CD36: variants seen among roughly 807,000 people sequenced by gnomAD.
CD36 encodes the protein platelet glycoprotein 4.
A neutral mutation model predicts 55.2 loss-of-function variants in CD36; 119 were observed. The ratio of observed to expected loss-of-function variants is 2.15; its 90% CI spans 1.86 to 2.51. The LOEUF is 2.51. Among genes scored for constraint, CD36 ranks in the 30% most tolerant of loss-of-function variants. The pLI is 0.00. For missense variants in CD36, 819 were observed against 555.5 expected, an observed-to-expected ratio of 1.47 and a Z score of -4.77; for synonymous variants, 186 against 193.6, an observed-to-expected ratio of 0.96 and a Z score of 0.33.
At chr7:80,647,479 A>G (rs778260963) in intron 3 of CD36, among the ~76,000 whole-genome samples, 7 of 152,202 alleles carry the variant, frequency 4.6e-5, no homozygotes, top group Non-Finnish European at 4.4e-5. Context: ...AGTATAAAAC[A>G]AATTGACTGT....
At chr7:80,675,625 G>A (rs1014830494) in intron 14 of CD36, among the ~76,000 whole-genome samples, 10 of 151,982 alleles carry the variant, frequency 6.6e-5, no homozygotes, top group Middle Eastern at 6.8e-3. Context: ...AGAATAAACT[G>A]TTGATTACTT....
In CD36 at chr7:80,646,776, G is replaced by GGCTGTCATTGGT. The variant is rs1795200134; in HGVS notation, c.43_54dup (p.Ile15_Val18dup). 4 of 1,613,964 alleles carry GGCTGTCATTGGT rather than the reference G, an allele frequency of 2.5e-6. No homozygotes were observed. The highest frequency in any genetic ancestry group is 3.4e-6 in the Non-Finnish European group (4 of 1,179,944). On this transcript the variant is annotated inframe_insertion, in exon 3 of 15. Transcript: ENST00000447544. ...ACCGGAACTGTGGGCTCATCGCTGG[G>GGCTGTCATTGGT]GCTGTCATTGGTGCTGTCCTGGCTG...
Position 80,647,364 on chromosome 7 carries a change from A to G in CD36, c.120+504A>G, listed in dbSNP as rs192703422. 451 of 160,354 alleles carry G rather than the reference A, an allele frequency of 2.8e-3. 10 individuals are homozygous for G. Among genetic ancestry groups the G allele is most frequent in the Non-Finnish European group, 1.1e-3 (76 of 72,192 alleles). The allele number at this position is 160,354 out of a possible 1,614,324, so 9.9% of individuals were successfully genotyped here. ...GTAATACACTGTTTAGTAATCCACT[A>G]TTTTTATATATGTGTAATAATCTCA... On this transcript the variant is annotated intron_variant, in intron 3 of 14. Transcript: ENST00000447544.
intron 11 of CD36, 125 bp downstream of exon 11, chr7:80,672,165 A>C: frequency 4.9e-6 from 4 of 823,378 alleles, no homozygotes; most frequent in Non-Finnish European, 5.7e-6. Context: ...CATTCTTGAA[A>C]GTTACTGAAA....
At chr7:80,608,592 A>G (rs1792695822) in intron 1 of CD36, among the ~76,000 whole-genome samples, 1 of 152,222 alleles carries the variant, frequency 6.6e-6, no homozygotes, top group Non-Finnish European at 1.5e-5. Flanking sequence ...TTTAAAGTAG[A>G]TAGTGTTATC....
At chr7:80,611,277 G>A (rs1792864075) in intron 1 of CD36, among the ~76,000 whole-genome samples, 1 of 152,120 alleles carries the variant, frequency 6.6e-6, no homozygotes, top group South Asian at 2.1e-4. Flanking sequence ...TCTTGTCTCA[G>A]CCTGCTTTTT....
upstream of CD36, among the ~76,000 whole-genome samples, chr7:80,633,955 C>A (rs1005222926): frequency 3.3e-5 from 5 of 151,510 alleles, no homozygotes; most frequent in Non-Finnish European, 1.5e-5. Context: ...TGTGTCTAGA[C>A]ATTATTTTGC....
At chr7:80,634,942 C>A (rs1172545795), upstream of CD36, among the ~76,000 whole-genome samples, 1 of 150,542 alleles carries the variant, frequency 6.6e-6, no homozygotes, top group Admixed American at 6.6e-5. Context: ...TAAAAATTGT[C>A]AAATTAAAAA....
chr7:80,602,347 T>G (rs1218153297), exon 1 of CD36: 2 of 152,296 alleles, frequency 1.3e-5, no homozygotes, highest in East Asian at 1.9e-4. Context: ...CTTGAGGTCC[T>G]ACATCTCCGA....
At chr7:80,664,277 A>T (rs1291367181) in intron 6 of CD36, 129 bp from the exon 7 acceptor site, 4 of 646,676 alleles carry the variant, frequency 6.2e-6, no homozygotes, top group Non-Finnish European at 1.1e-5. Context: ...AATTTAAAAA[A>T]ATGTATTGCA....
At position 80,666,513 on chromosome 7, in the gene CD36, A is replaced by G. The variant is rs41281225; in HGVS notation, c.748+24A>G. On this transcript the variant is annotated intron_variant, in intron 8 of 14. Transcript: ENST00000447544. ...AGGTAAGAATATTTGTTTTGTGGTC[A>G]TCACAGTTAATCCACCTCCCTTTCC... 4,667 of 1,562,556 alleles carry G rather than the reference A, an allele frequency of 3.0e-3. 8 individuals are homozygous for G. The highest frequency in any genetic ancestry group is 3.9e-3 in the Non-Finnish European group (4,404 of 1,133,646).
chr7:80,630,867 C>G (rs930581299), intron 1 of CD36, among the ~76,000 whole-genome samples: 1 of 151,938 alleles, frequency 6.6e-6, no homozygotes, highest in Non-Finnish European at 1.5e-5. Flanking sequence ...ACTCTGAACA[C>G]GAAAGCACAG....
chr7:80,675,886 G>A lies in CD36; in HGVS notation c.*1-498G>A, dbSNP rs539773677. Among the ~76,000 whole-genome samples, 380 of 152,190 alleles carry A rather than the reference G, an allele frequency of 2.5e-3. 3 individuals are homozygous for A. Among genetic ancestry groups the A allele is most frequent in the African/African-American group, 8.6e-3 (356 of 41,526 alleles). ...TACATACACCTTTAAATGGAACTTG[G>A]TCTGAAGGGTGTGGAAATGCTGGTC... On this transcript the variant is annotated intron_variant, in intron 14 of 14. Coordinates refer to ENST00000447544, the MANE Select transcript of CD36 (RefSeq NM_001001548.3).
rs879762969 is a variant in CD36, at chr7:80,670,742, G to T, written c.819-235G>T. ...ATTTACTCTATTGGATAAATTGCCT[G>T]TGAGAAGTAACTTGAGTATAAATAA... is the stretch of plus-strand genomic sequence containing the variant. On this transcript the variant is annotated intron_variant, in intron 9 of 14. Coordinates refer to ENST00000447544, the MANE Select transcript of CD36 (RefSeq NM_001001548.3). 1.5e-5 allele frequency: 8 copies of T among 520,244 alleles called. No homozygotes were observed. The Admixed American group carries it at 2.4e-4, about 16-fold the overall frequency. 32.2% of individuals were successfully genotyped at this position (520,244 alleles called of 1,614,324 possible). A position where few individuals can be genotyped will look rare whatever the true frequency, so the allele number is the denominator to read the frequency against.
chr7:80,656,692 T>C lies in CD36; in HGVS notation c.273T>C (p.Tyr91=), dbSNP rs767787154. The change falls in exon 4 of 15, where the codon TAT becomes TAC. Residue 91 remains tyrosine, a synonymous_variant. Coordinates refer to ENST00000447544, the MANE Select transcript of CD36 (RefSeq NM_001001548.3). ...TTCAAGTTAAGCAAAGAGGTCCTTA[T>C]ACGTACAGGTGAGTGAGTCCCCACA... ...SNIQVKQRGP[Y]TYRVRFLAKE... The C allele has an allele frequency of 1.9e-6, 3 of 1,613,454 alleles. No individual in the cohort carries two copies. The South Asian group carries it at 3.3e-5, about 18-fold the overall frequency.
rs1165767460 is a variant in CD36, at chr7:80,667,747, GT to G, written c.748+1279del. Among the ~76,000 whole-genome samples the G allele has an allele frequency of 4.2e-3, 350 of 82,634 alleles. 1 individual carries two copies. The highest frequency in any genetic ancestry group is 0.011 in the African/African-American group (255 of 24,108). The allele number at this position is 82,634 out of a possible 152,430, so 54.2% of individuals were successfully genotyped here. ...GTTGGATTTGCAGGGGTTTTCTTTT[GT>G]TTTTTTTTTTTTTTTTTTTTGAGAC... On this transcript the variant is annotated intron_variant, in intron 8 of 14. Transcript: ENST00000447544.
intron 1 of CD36, among the ~76,000 whole-genome samples, chr7:80,625,864 A>G (rs1480419125): frequency 1.3e-5 from 2 of 152,148 alleles, no homozygotes; most frequent in Non-Finnish European, 2.9e-5. Flanking sequence ...TGTCTGCCCA[A>G]TACATACCAG....
intron 7 of CD36, among the ~76,000 whole-genome samples, chr7:80,665,198 CCTT>C (rs1253680107): frequency 6.8e-6 from 1 of 147,790 alleles, no homozygotes; most frequent in African/African-American, 2.6e-5. Context: ...GCCATTATTT[CCTT>C]TTTTTTTTTC....
At chr7:80,648,769 AG>A (rs1435251302) in intron 3 of CD36, among the ~76,000 whole-genome samples, 5 of 152,106 alleles carry the variant, frequency 3.3e-5, no homozygotes, top group African/African-American at 4.8e-5. Flanking sequence ...TTCAGGAAAA[AG>A]GTAGGACTTG....
Sources: allele counts gnomAD v4.1 joint callset (sites outside exome capture counted in the v4.1 genomes callset), GRCh38; gene constraint gnomAD v4.1.1; transcripts MANE v1.5; gene names NCBI Gene and HGNC (gene_info 2026-07-23, HGNC 2026-07-21).